Variants in CYB5B observed in about 807,000 individuals in gnomAD.
The protein encoded by CYB5B is cytochrome b5 type B (outer mitochondrial membrane).
In CYB5B, 14 loss-of-function variants were observed where a neutral mutation model predicts 21.3. That is an observed-to-expected ratio of 0.66 (90% confidence interval 0.43 to 1.03). CYB5B has a LOEUF of 1.03. Among genes scored for constraint, CYB5B ranks in the 50% least tolerant of loss-of-function variants. CYB5B has a pLI of 0.00. For synonymous variants in CYB5B, 69 were observed against 68.4 expected, an observed-to-expected ratio of 1.01 and a Z score of -0.04; for missense variants, 166 against 185.1, an observed-to-expected ratio of 0.90 and a Z score of 0.60.
At chr16:69,435,071 G>C (rs1435222175) in intron 1 of CYB5B, among the ~76,000 whole-genome samples, 1 of 151,942 alleles carries the variant, frequency 6.6e-6, no homozygotes, top group Non-Finnish European at 1.5e-5. Flanking sequence ...TTTTCTAGTG[G>C]CTGGGTATTA....
At chr16:69,445,971 T>A (rs999134468) in intron 1 of CYB5B, among the ~76,000 whole-genome samples, 1 of 152,056 alleles carries the variant, frequency 6.6e-6, no homozygotes, top group Admixed American at 6.6e-5. Context: ...AAAAAAAATT[T>A]TTTTTCAGAA....
intron 3 of CYB5B, among the ~76,000 whole-genome samples, chr16:69,455,136 C>A (rs1049941413): frequency 6.6e-6 from 1 of 152,190 alleles, no homozygotes; most frequent in South Asian, 2.1e-4. Context: ...CCTCATGATC[C>A]GCCTGTCTCG....
At chr16:69,460,900 A>G (rs545746986) in intron 4 of CYB5B, among the ~76,000 whole-genome samples, 1 of 152,312 alleles carries the variant, frequency 6.6e-6, no homozygotes, top group African/African-American at 2.4e-5. Flanking sequence ...TTATTGTTGA[A>G]CCTGAATCTC....
In CYB5B at chr16:69,424,852, A is replaced by C; in HGVS notation, c.169A>C (p.Asn57His). 1 of 1,578,370 alleles carries C rather than the reference A, an allele frequency of 6.3e-7. No homozygotes were observed. Among genetic ancestry groups the C allele is most frequent in the Non-Finnish European group, 8.6e-7 (1 of 1,161,570 alleles). Reference sequence around the variant, plus strand: ...AGTCTACGATGTCACCCGCTTCCTCAACGAGGTGGGGCCTGGGAGGTGGGA... The same window carrying C: ...AGTCTACGATGTCACCCGCTTCCTCCACGAGGTGGGGCCTGGGAGGTGGGA... ...GRVYDVTRFL[N>H]EHPGGEEVLL... Residue 57 changes from asparagine (N) to histidine (H), a missense_variant, in exon 1 of 5, where the codon AAC becomes CAC. Transcript: ENST00000307892.
In CYB5B at chr16:69,462,507, G is replaced by A. The variant is rs775141212; in HGVS notation, c.440G>A (p.Ser147Asn). ...GFLYRYYTSESKSS is the reference protein window; with the variant it reads ...GFLYRYYTSENKSS ...CTGTACCGCTACTACACATCGGAAAGCAAATCCTCCTGAGGAGGCCTTGCT... is the reference window on the plus strand; with the variant it reads ...CTGTACCGCTACTACACATCGGAAAACAAATCCTCCTGAGGAGGCCTTGCT... Residue 147 changes from serine (S) to asparagine (N), a missense_variant, in exon 5 of 5, where the codon AGC becomes AAC. Physicochemically the swap from Ser to Asn is conservative, Grantham distance 46. Transcript: ENST00000307892. The A allele has an allele frequency of 6.8e-5, 109 of 1,613,892 alleles. 1 individual carries two copies. The South Asian group carries it at 1.2e-3, about 17-fold the overall frequency.
intron 1 of CYB5B, among the ~76,000 whole-genome samples, chr16:69,425,952 C>T (rs140040072): frequency 9.2e-5 from 14 of 152,320 alleles, no homozygotes; most frequent in African/African-American, 3.1e-4. Flanking sequence ...GAAATCTCTG[C>T]ATCCTGACTT....
At position 69,463,887 on chromosome 16, in the gene CYB5B, A is replaced by AAT. The variant is rs2015060589; in HGVS notation, c.*1367_*1368insAT. The AAT allele has an allele frequency of 1.3e-5, 2 of 152,184 alleles. No homozygotes were observed. Among genetic ancestry groups the AAT allele is most frequent in the African/African-American group, 4.8e-5 (2 of 41,450 alleles). 9.4% of individuals were successfully genotyped at this position (152,184 alleles called of 1,614,324 possible). On this transcript the variant is annotated 3_prime_UTR_variant, in exon 5 of 5. Coordinates refer to ENST00000307892, the MANE Select transcript of CYB5B (RefSeq NM_030579.3). ...GGTTCAATGATGATTTCTCTGGCAT[A>AAT]TTAGACTTTTATTTTTTCCCCCATG...
intron 1 of CYB5B, among the ~76,000 whole-genome samples, chr16:69,427,037 C>T (rs567906510): frequency 2.6e-5 from 4 of 152,096 alleles, no homozygotes; most frequent in Non-Finnish European, 4.4e-5. Context: ...TTCAGGAGTT[C>T]GAGACCAGTC....
intron 4 of CYB5B, chr16:69,459,652 C>G (rs1481531237): frequency 6.6e-6 from 1 of 152,378 alleles, no homozygotes; most frequent in African/African-American, 2.4e-5. Context: ...TATAAATTGC[C>G]TTACCTTAAG....
At chr16:69,440,490 A>G (rs1393313100) in intron 1 of CYB5B, among the ~76,000 whole-genome samples, 1 of 152,128 alleles carries the variant, frequency 6.6e-6, no homozygotes, top group African/African-American at 2.4e-5. Context: ...ATAACAGCAT[A>G]GATTCATTTT....
At chr16:69,448,232 G>T (rs2014897231) in intron 3 of CYB5B, 88 bp downstream of exon 3, 1 of 1,456,572 alleles carries the variant, frequency 6.9e-7, no homozygotes, top group Non-Finnish European at 9.5e-7. Flanking sequence ...AACAAGAGAA[G>T]TTACAAAGTA....
chr16:69,442,145 C>CAGG (rs5817666), intron 1 of CYB5B, among the ~76,000 whole-genome samples: 1 of 151,820 alleles, frequency 6.6e-6, no homozygotes, highest in African/African-American at 2.4e-5. Context: ...GCTTGGATCT[C>CAGG]AAAATAGGAG....
intron 1 of CYB5B, among the ~76,000 whole-genome samples, chr16:69,438,535 C>T (rs900123471): frequency 2.5e-4 from 30 of 121,666 alleles, no homozygotes; most frequent in African/African-American, 8.6e-4. Context: ...TCCCATTTTT[C>T]GATTTTTTTT....
chr16:69,452,313 C>CAAA (rs34934716), intron 3 of CYB5B, among the ~76,000 whole-genome samples: 2 of 79,078 alleles, frequency 2.5e-5, no homozygotes, highest in African/African-American at 4.5e-5. Flanking sequence ...GACTCCGCCT[C>CAAA]AAAAAAAAAA....
intron 3 of CYB5B, among the ~76,000 whole-genome samples, chr16:69,453,648 TG>T (rs1417087158): frequency 6.6e-6 from 1 of 152,148 alleles, no homozygotes; most frequent in African/African-American, 2.4e-5. Flanking sequence ...CTCCGCCTCC[TG>T]GGTTCAAGCC....
chr16:69,432,932 G>C (rs2014721449), intron 1 of CYB5B, among the ~76,000 whole-genome samples: 1 of 152,108 alleles, frequency 6.6e-6, no homozygotes, highest in Admixed American at 6.6e-5. Flanking sequence ...TGAGTAGCTG[G>C]GATTACAGGC....
intron 1 of CYB5B, among the ~76,000 whole-genome samples, chr16:69,429,292 A>G (rs577110880): frequency 7.9e-5 from 12 of 152,350 alleles, no homozygotes; most frequent in African/African-American, 2.9e-4. Context: ...GAAAGGGACC[A>G]GAGCAGGTTG....
chr16:69,425,327 G>A (rs1345508507), intron 1 of CYB5B, among the ~76,000 whole-genome samples: 1 of 146,428 alleles, frequency 6.8e-6, no homozygotes, highest in African/African-American at 2.6e-5. Context: ...CTCTCCACAC[G>A]CTTCCCCATC....
chr16:69,454,714 C>A (rs1469099752), intron 3 of CYB5B, among the ~76,000 whole-genome samples: 1 of 152,178 alleles, frequency 6.6e-6, no homozygotes, highest in Non-Finnish European at 1.5e-5. Context: ...CCAAAGGTGT[C>A]CTGTGGCTTA....
Sources: gnomAD v4.1 joint callset for allele counts (sites outside exome capture counted in the v4.1 genomes callset) on GRCh38, gnomAD v4.1.1 for gene constraint, MANE v1.5 for transcripts, NCBI Gene and HGNC (gene_info 2026-07-23, HGNC 2026-07-21) for gene names.